RBFOX1: variants seen among roughly 807,000 people sequenced by gnomAD.
RBFOX1 encodes the protein RNA binding protein fox-1 homolog 1.
RBFOX1 carries 8 observed loss-of-function variants against 57.7 expected under a neutral mutation model. That is an observed-to-expected ratio of 0.14 (90% CI 0.08 to 0.25). The LOEUF (loss-of-function observed/expected upper bound fraction) is 0.25, where lower values mean the gene tolerates loss of function less well. Ranked by LOEUF, RBFOX1 falls within the 10% of genes least tolerant of loss-of-function variation. The pLI is 1.00. For synonymous variants in RBFOX1, 326 were observed against 222.4 expected (o/e 1.47, Z -4.15); for missense variants, 611 against 548.5 (o/e 1.11, Z -1.14).
intron 4 of RBFOX1, among the ~76,000 whole-genome samples, chr16:7,437,133 C>G (rs1387043342): frequency 6.6e-6 from 1 of 152,074 alleles, no homozygotes; most frequent in African/African-American, 2.4e-5. Context: ...ACAGGGCTCT[C>G]TGATTTGCCA....
At chr16:5,285,898 A>G (rs1265268039) in intron 1 of RBFOX1, among the ~76,000 whole-genome samples, 1 of 152,080 alleles carries the variant, frequency 6.6e-6, no homozygotes, top group Admixed American at 6.6e-5. Flanking sequence ...CAGCCTCCTG[A>G]GTAGCTGGGA....
At chr16:7,509,831 G>GT (rs557539067) in intron 4 of RBFOX1, among the ~76,000 whole-genome samples, 2 of 152,198 alleles carry the variant, frequency 1.3e-5, no homozygotes, top group South Asian at 4.1e-4. Context: ...TAAGATAGTA[G>GT]CAAGCTCCCT....
chr16:5,884,090 A>G, intron 4 of RBFOX1, among the ~76,000 whole-genome samples: 1 of 152,216 alleles, frequency 6.6e-6, no homozygotes, highest in African/African-American at 2.4e-5. Context: ...GTAGCTGCCT[A>G]ATATTATCAA....
At chr16:5,851,011 A>G (rs1475912100) in intron 3 of RBFOX1, among the ~76,000 whole-genome samples, 1 of 152,170 alleles carries the variant, frequency 6.6e-6, no homozygotes, top group Non-Finnish European at 1.5e-5. Context: ...CCACCTGGAA[A>G]CTTGCCTTGT....
intron 4 of RBFOX1, among the ~76,000 whole-genome samples, chr16:7,512,599 C>G (rs971557207): frequency 6.6e-6 from 1 of 152,316 alleles, no homozygotes; most frequent in Admixed American, 6.5e-5. Flanking sequence ...TTCCTGGATG[C>G]TAACTGCAGG....
At chr16:5,282,667 G>C (rs1375607424) in intron 1 of RBFOX1, among the ~76,000 whole-genome samples, 1 of 152,212 alleles carries the variant, frequency 6.6e-6, no homozygotes, top group Non-Finnish European at 1.5e-5. Flanking sequence ...ACTTGAGAGA[G>C]ATGATTTAGG....
At chr16:7,078,897 A>G (rs1199394122) in intron 4 of RBFOX1, among the ~76,000 whole-genome samples, 1 of 87,508 alleles carries the variant, frequency 1.1e-5, no homozygotes. Flanking sequence ...TTTAGTGAAG[A>G]TGGGGTTTTA....
intron 4 of RBFOX1, among the ~76,000 whole-genome samples, chr16:7,305,602 G>T (rs117278354): frequency 7.2e-5 from 11 of 152,198 alleles, no homozygotes; most frequent in Non-Finnish European, 1.6e-4. Context: ...GTTGAGAGTG[G>T]CCCTCTTCCC....
intron 14 of RBFOX1, among the ~76,000 whole-genome samples, chr16:7,690,996 C>T (rs566389047): frequency 8.5e-5 from 13 of 152,206 alleles, no homozygotes; most frequent in African/African-American, 3.1e-4. Flanking sequence ...AAGCATTGTT[C>T]AGGGAAGTAG....
At chr16:6,084,487 C>G (rs976485839) in intron 1 of RBFOX1, among the ~76,000 whole-genome samples, 1 of 152,118 alleles carries the variant, frequency 6.6e-6, no homozygotes, top group East Asian at 1.9e-4. Flanking sequence ...GAAGCAATTC[C>G]TCAGCCTCTG....
intron 3 of RBFOX1, among the ~76,000 whole-genome samples, chr16:6,659,754 C>A (rs2098689479): frequency 6.6e-6 from 1 of 152,106 alleles, no homozygotes; most frequent in Non-Finnish European, 1.5e-5. Context: ...TGTTTACAAG[C>A]CTGCCCTTCC....
At chr16:7,053,730 A>G (rs2050906677) in intron 4 of RBFOX1, among the ~76,000 whole-genome samples, 1 of 152,164 alleles carries the variant, frequency 6.6e-6, no homozygotes, top group Admixed American at 6.5e-5. Flanking sequence ...TCTCTGTTAC[A>G]TAAATGCAGG....
rs75183705 is a variant in RBFOX1, at chr16:5,498,023, C to T, written c.258+30769C>T. 1.6e-3 allele frequency among the ~76,000 whole-genome samples: 242 copies of T among 152,218 alleles called. 1 individual carries two copies. Among genetic ancestry groups the T allele is most frequent in the East Asian group, 0.015 (78 of 5,174 alleles). On this transcript the variant is annotated intron_variant, in intron 2 of 2. Coordinates refer to the RBFOX1 transcript ENST00000585867. ...GGAAGATGGGGAAAGCTGTCATTTT[C>T]AAGGAAGAGAGAAGATTCCAGAGTG...
intron 3 of RBFOX1, among the ~76,000 whole-genome samples, chr16:6,922,219 T>C (rs971306752): frequency 1.4e-4 from 21 of 152,020 alleles, no homozygotes; most frequent in Non-Finnish European, 2.2e-4. Context: ...AATGGAGAGG[T>C]CTGAGGCATT....
intron 1 of RBFOX1, among the ~76,000 whole-genome samples, chr16:5,240,397 C>G (rs990049734): frequency 5.9e-5 from 9 of 152,154 alleles, no homozygotes; most frequent in African/African-American, 1.7e-4. Context: ...CCTGGGGGCC[C>G]CCAGCAGGGG....
chr16:5,303,311 A>G (rs966731601), intron 1 of RBFOX1, among the ~76,000 whole-genome samples: 1 of 152,226 alleles, frequency 6.6e-6, no homozygotes, highest in African/African-American at 2.4e-5. Context: ...GCTGTGGCAC[A>G]TGAGCTGCAC....
chr16:7,632,493 A>T (rs2061137028), intron 11 of RBFOX1, among the ~76,000 whole-genome samples: 1 of 152,222 alleles, frequency 6.6e-6, no homozygotes, highest in Non-Finnish European at 1.5e-5. Context: ...GAGGAAATGG[A>T]GGGCAATCCC....
chr16:6,914,831 T>C (rs910365258), intron 3 of RBFOX1, among the ~76,000 whole-genome samples: 2 of 152,228 alleles, frequency 1.3e-5, no homozygotes, highest in Non-Finnish European at 2.9e-5. Flanking sequence ...AAGGCTGCAC[T>C]GAGCCAAGAT....
intron 1 of RBFOX1, among the ~76,000 whole-genome samples, chr16:5,343,672 C>T (rs553061423): frequency 5.3e-5 from 8 of 152,178 alleles, no homozygotes; most frequent in South Asian, 4.1e-4. Context: ...CCCTCTGATA[C>T]GAATACAATA....
Sources: gnomAD v4.1 joint callset for allele counts (sites outside exome capture counted in the v4.1 genomes callset) on GRCh38, gnomAD v4.1.1 for gene constraint, MANE v1.5 for transcripts, NCBI Gene and HGNC (gene_info 2026-07-23, HGNC 2026-07-21) for gene names.